DPP6: variants seen among roughly 807,000 people sequenced by gnomAD.
The protein encoded by DPP6 is dipeptidyl peptidase like 6, also known as A-type potassium channel modulatory protein DPP6.
A neutral mutation model predicts 122.6 loss-of-function variants in DPP6; 69 were observed. The observed-to-expected ratio is 0.56, with a 90% confidence interval of 0.46 to 0.69. DPP6 has a LOEUF of 0.69. DPP6 is among the 30% of genes least tolerant of loss of function. The pLI, the probability that DPP6 is intolerant of heterozygous loss-of-function variation, is 0.00. For synonymous variants in DPP6, 418 were observed against 433.1 expected, an observed-to-expected ratio of 0.97 and a Z score of 0.43; for missense variants, 928 against 1,116.9, an observed-to-expected ratio of 0.83 and a Z score of 2.41.
At chr7:154,596,716 A>G (rs1326334391) in intron 5 of DPP6, among the ~76,000 whole-genome samples, 1 of 152,212 alleles carries the variant, frequency 6.6e-6, no homozygotes, top group Non-Finnish European at 1.5e-5. Context: ...ACACTGAAGA[A>G]TGTGCTGCTT....
intron 6 of DPP6, among the ~76,000 whole-genome samples, chr7:154,642,162 G>T (rs1836144002): frequency 6.6e-6 from 1 of 152,154 alleles, no homozygotes; most frequent in East Asian, 1.9e-4. Flanking sequence ...ATAGCATCAT[G>T]CCAGGCAGTG....
At chr7:154,627,119 T>C (rs1302843532) in intron 5 of DPP6, among the ~76,000 whole-genome samples, 1 of 148,462 alleles carries the variant, frequency 6.7e-6, no homozygotes, top group East Asian at 2.0e-4. Flanking sequence ...TTCAAGCTAT[T>C]TTCCTGCCTC....
chr7:154,064,738 A>G (rs2150496492), intron 1 of DPP6, among the ~76,000 whole-genome samples: 1 of 152,294 alleles, frequency 6.6e-6, no homozygotes, highest in Non-Finnish European at 1.5e-5. Context: ...TCCTAACGAG[A>G]GAGGAAGACA....
the DPP6 span, among the ~76,000 whole-genome samples, chr7:153,750,952 T>C: frequency 6.6e-6 from 1 of 152,246 alleles, no homozygotes; most frequent in East Asian, 1.9e-4. Context: ...TTGGAGTTTG[T>C]CTTGTAGGTT....
the DPP6 span, among the ~76,000 whole-genome samples, chr7:153,787,642 G>A: frequency 1.3e-5 from 2 of 148,516 alleles, no homozygotes; most frequent in Non-Finnish European, 3.0e-5. Context: ...GTGGTGGTAC[G>A]CCCCTCTAGT....
chr7:154,367,842 G>A (rs556208977), intron 1 of DPP6, among the ~76,000 whole-genome samples: 4 of 152,278 alleles, frequency 2.6e-5, no homozygotes, highest in East Asian at 1.9e-4. Context: ...ACGGAGTCTC[G>A]CACTGTTGTC....
At chr7:154,793,799 C>T in intron 10 of DPP6, 1 of 340,042 alleles carries the variant, frequency 2.9e-6, no homozygotes, top group South Asian at 5.0e-5. Context: ...CGGAGCAGCC[C>T]CCACACCCCT....
intron 1 of DPP6, among the ~76,000 whole-genome samples, chr7:154,006,651 CTG>C (rs1797924893): frequency 6.6e-6 from 1 of 152,180 alleles, no homozygotes; most frequent in Non-Finnish European, 1.5e-5. Flanking sequence ...TTTTACCTAT[CTG>C]TGCTCTGCTT....
At chr7:153,898,905 C>T (rs11772011) in intron 1 of DPP6, among the ~76,000 whole-genome samples, 2,683 of 152,240 alleles carry the variant, frequency 0.018, 40 homozygotes, top group Middle Eastern at 0.037. Flanking sequence ...AACTTTTATT[C>T]AGATATCTTT....
chr7:154,540,697 CT>C (rs1828656926), intron 4 of DPP6, 71 bp downstream of exon 4: 1 of 963,524 alleles, frequency 1.0e-6, no homozygotes, highest in Admixed American at 3.1e-5. Context: ...CAGAAAATGA[CT>C]TTTGGTTTCA....
intron 2 of DPP6, among the ~76,000 whole-genome samples, chr7:154,449,175 T>C (rs1820138292): frequency 6.6e-6 from 1 of 152,040 alleles, no homozygotes; most frequent in Non-Finnish European, 1.5e-5. Context: ...AGGTATCTAG[T>C]AAAGGTCTAG....
rs1459025443 is a variant in DPP6, at chr7:154,638,754, G to A, written c.680+881G>A. Among the ~76,000 whole-genome samples, 13 of 152,328 alleles carry A rather than the reference G, an allele frequency of 8.5e-5. No homozygotes were observed. The East Asian group carries it at 2.3e-3, about 27-fold the overall frequency. On this transcript the variant is annotated intron_variant, in intron 6 of 25. Coordinates refer to ENST00000377770, the MANE Select transcript of DPP6 (RefSeq NM_130797.4). Reference sequence around the variant, plus strand: ...AGATGAAAAATGGTTGCAGAACTAGGAAAGTCTGTCGAGGAGAATTTTTTG... The same window carrying A: ...AGATGAAAAATGGTTGCAGAACTAGAAAAGTCTGTCGAGGAGAATTTTTTG...
chr7:154,524,769 G>A (rs923710), intron 3 of DPP6, among the ~76,000 whole-genome samples: 18,691 of 152,110 alleles, frequency 0.12, 1,413 homozygotes, highest in Non-Finnish European at 0.17. Context: ...GAAAAGGCCC[G>A]GAAAAATTAG....
chr7:154,730,012 G>T (rs1842259728), intron 8 of DPP6, among the ~76,000 whole-genome samples: 1 of 152,272 alleles, frequency 6.6e-6, no homozygotes, highest in Non-Finnish European at 1.5e-5. Context: ...GCTCCGGAGG[G>T]GCTGCACCTC....
At chr7:154,242,007 G>A (rs1182485460) in intron 1 of DPP6, among the ~76,000 whole-genome samples, 2 of 152,202 alleles carry the variant, frequency 1.3e-5, no homozygotes, top group Non-Finnish European at 2.9e-5. Context: ...CAGTGTAATA[G>A]AACACAGGAA....
At chr7:154,822,704 C>G (rs2150500939) in intron 16 of DPP6, among the ~76,000 whole-genome samples, 1 of 152,298 alleles carries the variant, frequency 6.6e-6, no homozygotes, top group African/African-American at 2.4e-5. Flanking sequence ...CCTCTGCTCA[C>G]AGATGCCTCC....
chr7:154,893,180 C>G lies in DPP6; in HGVS notation c.*700C>G. On this transcript the variant is annotated 3_prime_UTR_variant, in exon 26 of 26. Transcript: ENST00000377770. ...CTTGTTTCCCTTTCCTTTCTCCAGT[C>G]CACGTGTAGACTTTGCGCTTGATGA... 1 of 329,434 alleles carries G rather than the reference C, an allele frequency of 3.0e-6. No homozygotes were observed. The highest frequency in any genetic ancestry group is 2.3e-5 in the South Asian group (1 of 43,450). 20.4% of individuals were successfully genotyped at this position (329,434 alleles called of 1,614,324 possible). A position where few individuals can be genotyped will look rare whatever the true frequency, so the allele number is the denominator to read the frequency against.
intron 8 of DPP6, among the ~76,000 whole-genome samples, chr7:154,736,923 A>G (rs1010322238): frequency 1.3e-5 from 2 of 152,232 alleles, no homozygotes; most frequent in Non-Finnish European, 2.9e-5. Context: ...CCCTCAACAG[A>G]AAAACACCTG....
intron 8 of DPP6, among the ~76,000 whole-genome samples, chr7:154,749,743 G>A (rs113011963): frequency 2.2e-5 from 1 of 45,640 alleles, no homozygotes; most frequent in Non-Finnish European, 4.5e-5. Flanking sequence ...AGCATAGGAC[G>A]GGAAAGAGAG....
Sources: gnomAD v4.1 joint callset for allele counts (sites outside exome capture counted in the v4.1 genomes callset) on GRCh38, gnomAD v4.1.1 for gene constraint, MANE v1.5 for transcripts, NCBI Gene and HGNC (gene_info 2026-07-23, HGNC 2026-07-21) for gene names.